Variants in PATJ observed in about 807,000 individuals in gnomAD.
PATJ encodes PATJ crumbs cell polarity complex component.
In PATJ, 190 loss-of-function variants were observed where a neutral mutation model predicts 224.9. That is an observed-to-expected ratio of 0.84 (90% CI 0.75 to 0.95). PATJ has a LOEUF of 0.95. PATJ is among the 40% of genes least tolerant of loss of function. PATJ has a pLI of 0.00. For synonymous variants in PATJ, 769 were observed against 820.3 expected, an observed-to-expected ratio of 0.94 and a Z score of 1.07; for missense variants, 2,121 against 2,270.3, an observed-to-expected ratio of 0.93 and a Z score of 1.34.
At chr1:61,795,809 T>C (rs1650973627) in intron 10 of PATJ, among the ~76,000 whole-genome samples, 1 of 152,204 alleles carries the variant, frequency 6.6e-6, no homozygotes, top group Non-Finnish European at 1.5e-5. Flanking sequence ...ACATGTATGT[T>C]TGAAAGATGT....
At chr1:61,955,723 A>C (rs561781486) in intron 27 of PATJ, among the ~76,000 whole-genome samples, 2 of 152,340 alleles carry the variant, frequency 1.3e-5, no homozygotes, top group South Asian at 4.1e-4. Flanking sequence ...TCTTCAACAC[A>C]TATAATGTTA....
rs1419185893 is a variant in PATJ at position 62,018,931 on chromosome 1, TCTA to T, written c.3959+987_3959+989del. Among the ~76,000 whole-genome samples, 1 of 152,116 alleles carries T rather than the reference TCTA, an allele frequency of 6.6e-6. No individual in the cohort carries two copies. The highest frequency in any genetic ancestry group is 1.5e-5 in the Non-Finnish European group (1 of 68,020). ...CGTGATTGAAATATCCCTTCCCACTTCTACTTTGCTCCTGAAGAAATCCTACAT... is the reference window on the plus strand; with the variant it reads ...CGTGATTGAAATATCCCTTCCCACTTCTTTGCTCCTGAAGAAATCCTACAT... On this transcript the variant is annotated intron_variant, in intron 29 of 43. Transcript: ENST00000642238. This position sits in a 1 kb window ranked among gnomAD's most constrained non-coding sequence, Gnocchi z 4.2.
chr1:61,933,679 G>A (rs1676376282), intron 27 of PATJ, among the ~76,000 whole-genome samples: 1 of 151,916 alleles, frequency 6.6e-6, no homozygotes, highest in African/African-American at 2.4e-5. Flanking sequence ...CAAATTTTTA[G>A]TAGGCTGTTA....
rs377489788 is a variant in PATJ at position 62,144,777 on chromosome 1, A to AAAAATATATATATAT, written c.5272-3506_5272-3505insAAATATATATATATA. Among the ~76,000 whole-genome samples the AAAAATATATATATAT allele has an allele frequency of 1.8e-4, 22 of 119,102 alleles. No individual in the cohort carries two copies. The East Asian group carries it at 2.8e-3, about 15-fold the overall frequency. 78.1% of individuals were successfully genotyped at this position (119,102 alleles called of 152,430 possible). Reference sequence around the variant, plus strand: ...TAGAATGTTATTTGCAAAAAAAAAAAATATATATATATATATATAATTAGC... The same window carrying AAAAATATATATATAT: ...TAGAATGTTATTTGCAAAAAAAAAAAAAAATATATATATATATATATATATATATATATAATTAGC... On this transcript the variant is annotated intron_variant, in intron 41 of 43. Transcript: ENST00000642238.
intron 1 of PATJ, among the ~76,000 whole-genome samples, chr1:61,757,080 C>CTTTT (rs55788991): frequency 7.7e-6 from 1 of 129,194 alleles, no homozygotes; most frequent in Admixed American, 8.5e-5. Flanking sequence ...GTCACTTTTA[C>CTTTT]TTTTTTTTTT....
At chr1:61,817,594 G>A (rs562022511) in intron 14 of PATJ, among the ~76,000 whole-genome samples, 2 of 152,322 alleles carry the variant, frequency 1.3e-5, no homozygotes, top group African/African-American at 4.8e-5. Context: ...TTGACAGGCG[G>A]TGGTTGCAGT....
intron 8 of PATJ, among the ~76,000 whole-genome samples, chr1:61,789,598 A>G: frequency 6.6e-6 from 1 of 151,938 alleles, no homozygotes; most frequent in South Asian, 2.1e-4. Context: ...GGATCACATG[A>G]GGCCAGGAGT....
chr1:61,949,225 GAAA>G (rs956753788), intron 27 of PATJ, among the ~76,000 whole-genome samples: 1 of 147,818 alleles, frequency 6.8e-6, no homozygotes. Flanking sequence ...TAAAAAAAAA[GAAA>G]AAAAAAGGAA....
intron 27 of PATJ, among the ~76,000 whole-genome samples, chr1:61,973,874 G>C (rs1683302950): frequency 6.6e-6 from 1 of 151,952 alleles, no homozygotes; most frequent in South Asian, 2.1e-4. Flanking sequence ...GTAATAATCA[G>C]ATCGTTTTTT....
chr1:61,953,536 T>G (rs1277830433), intron 27 of PATJ, among the ~76,000 whole-genome samples: 1 of 152,226 alleles, frequency 6.6e-6, no homozygotes, highest in Non-Finnish European at 1.5e-5. Flanking sequence ...GGAAATGCTA[T>G]AGCTCCTAAA....
intron 30 of PATJ, among the ~76,000 whole-genome samples, chr1:62,042,660 A>T (rs559196054): frequency 1.4e-4 from 21 of 151,216 alleles, no homozygotes; most frequent in Admixed American, 4.6e-4. Flanking sequence ...ATTTTTTTAA[A>T]AAAAAAGACA....
At chr1:61,814,550 G>GCGCGCGCGCGCA (rs1655695376) in intron 14 of PATJ, among the ~76,000 whole-genome samples, 1 of 137,528 alleles carries the variant, frequency 7.3e-6, no homozygotes, top group African/African-American at 2.8e-5. Context: ...GTGTGTGTGC[G>GCGCGCGCGCGCA]CGCGCGCGCG....
chr1:61,751,564 GC>G (rs1467290293), intron 1 of PATJ, among the ~76,000 whole-genome samples: 2 of 151,986 alleles, frequency 1.3e-5, no homozygotes. Flanking sequence ...ATTGTCTCTA[GC>G]CTGTAATCCC....
At chr1:61,856,651 C>T (rs1414301186) in intron 18 of PATJ, among the ~76,000 whole-genome samples, 3 of 152,128 alleles carry the variant, frequency 2.0e-5, no homozygotes, top group African/African-American at 7.2e-5. Flanking sequence ...TGCAGTGGCA[C>T]GATCTTGGCT....
At chr1:61,768,627 CTG>C (rs1169464224) in intron 4 of PATJ, among the ~76,000 whole-genome samples, 9 of 151,752 alleles carry the variant, frequency 5.9e-5, no homozygotes, top group Non-Finnish European at 1.3e-4. Context: ...CGGCTGGGCA[CTG>C]TGGCTCACGT....
At position 61,795,411 on chromosome 1, in the gene PATJ, C is replaced by T. The variant is rs1650862799; in HGVS notation, c.1169-56C>T. 1.4e-5 allele frequency: 14 copies of T among 989,162 alleles called. No homozygotes were observed. The South Asian group carries it at 1.8e-4, about 13-fold the overall frequency. The allele number at this position is 989,162 out of a possible 1,614,324, so 61.3% of individuals were successfully genotyped here. A position where few individuals can be genotyped will look rare whatever the true frequency, so the allele number is the denominator to read the frequency against. The stretch of plus-strand genomic sequence containing the variant: ...AATTAACCTCTTGATACAAATTTTG[C>T]AATCAAGGCCTAATTAGAATTTTCT... On this transcript the variant is annotated intron_variant, in intron 9 of 43. Coordinates refer to ENST00000642238, the MANE Select transcript of PATJ (RefSeq NM_001350145.3).
At chr1:62,106,158 G>A (rs57189291) in intron 33 of PATJ, among the ~76,000 whole-genome samples, 7,357 of 47,308 alleles carry the variant, frequency 0.16, 1,200 homozygotes, top group African/African-American at 0.24. Context: ...GTGTGTGTGT[G>A]TATATATATA....
At chr1:61,788,183 G>A (rs564029600) in intron 8 of PATJ, among the ~76,000 whole-genome samples, 27 of 152,128 alleles carry the variant, frequency 1.8e-4, no homozygotes, top group African/African-American at 6.0e-4. Context: ...CTCCCTGAGC[G>A]TCAGTGACTT....
chr1:61,895,926 C>T (rs1670301348), intron 22 of PATJ, among the ~76,000 whole-genome samples: 1 of 152,202 alleles, frequency 6.6e-6, no homozygotes, highest in Non-Finnish European at 1.5e-5. Context: ...TGCCCAAGGC[C>T]TTGGGAGTCC....
Sources: allele counts gnomAD v4.1 joint callset (sites outside exome capture counted in the v4.1 genomes callset), GRCh38; gene constraint gnomAD v4.1.1; non-coding constraint Gnocchi (gnomAD v3.1); transcripts MANE v1.5; gene names NCBI Gene and HGNC (gene_info 2026-07-23, HGNC 2026-07-21).